FHIT: variants seen among roughly 807,000 people sequenced by gnomAD.
FHIT encodes the protein fragile histidine triad diadenosine triphosphatase.
A neutral mutation model predicts 17.9 loss-of-function variants in FHIT; 19 were observed. The observed-to-expected ratio is 1.06, with a 90% CI of 0.74 to 1.56. The LOEUF is 1.56. Ranked by LOEUF, FHIT falls within the 40% of genes most tolerant of loss-of-function variation. FHIT has a pLI of 0.00. For synonymous variants in FHIT, 81 were observed against 69.7 expected (o/e 1.16, Z -0.81); for missense variants, 248 against 189.2 (o/e 1.31, Z -1.82).
intron 5 of FHIT, among the ~76,000 whole-genome samples, chr3:60,517,550 A>G (rs2035206836): frequency 6.6e-6 from 1 of 152,216 alleles, no homozygotes; most frequent in South Asian, 2.1e-4. Flanking sequence ...GGTGGTCTTC[A>G]GTCCAATGGC....
intron 9 of FHIT, 123 bp from the exon 10 acceptor site, chr3:59,749,702 T>C (rs1379074352): frequency 4.3e-6 from 1 of 230,218 alleles, no homozygotes; most frequent in African/African-American, 2.2e-5. Flanking sequence ...TACGAAGAAG[T>C]GGGCCAAAGT....
At chr3:60,255,519 C>G (rs188716898) in intron 5 of FHIT, among the ~76,000 whole-genome samples, 1 of 152,236 alleles carries the variant, frequency 6.6e-6, no homozygotes, top group East Asian at 1.9e-4. Flanking sequence ...ACAAACCCAA[C>G]TTCTCACCAA....
At chr3:60,950,476 CT>C (rs1321320188) in intron 3 of FHIT, among the ~76,000 whole-genome samples, 3 of 139,760 alleles carry the variant, frequency 2.1e-5, no homozygotes, top group Admixed American at 1.4e-4. Context: ...CTAGGTAGGG[CT>C]TTTTTTTCTT....
At chr3:59,750,069 G>A (rs924678360) in intron 9 of FHIT, 9 of 225,204 alleles carry the variant, frequency 4.0e-5, no homozygotes, top group South Asian at 1.8e-4. Context: ...TAACAAGTTA[G>A]GGTAAATATC....
rs2039926238 is a variant in FHIT, at chr3:61,224,729, GCCATGATAC to G, written c.-212-24073_-212-24065del. ...CCAGCTCATGTTACTTTTAGATATG[GCCATGATAC>G]CAGAACATTAAGCACTGAAAGGATG... is the stretch of plus-strand genomic sequence containing the variant. On this transcript the variant is annotated intron_variant, in intron 1 of 9. Coordinates refer to ENST00000492590, the MANE Select transcript of FHIT (RefSeq NM_002012.4). 2.0e-5 allele frequency among the ~76,000 whole-genome samples: 3 copies of G among 152,224 alleles called. No individual in the cohort carries two copies. The East Asian group carries it at 5.8e-4, about 29-fold the overall frequency.
intron 5 of FHIT, among the ~76,000 whole-genome samples, chr3:60,291,429 C>T (rs1374581055): frequency 6.6e-6 from 1 of 151,816 alleles, no homozygotes; most frequent in African/African-American, 2.4e-5. Context: ...CCATGTTGCC[C>T]GTTTCTTTAC....
chr3:60,612,781 C>T (rs1331345984), intron 4 of FHIT, among the ~76,000 whole-genome samples: 1 of 152,182 alleles, frequency 6.6e-6, no homozygotes, highest in Non-Finnish European at 1.5e-5. Flanking sequence ...GCATGCCACA[C>T]AGACCACCAC....
At chr3:60,548,306 A>G (rs1273966948) in intron 4 of FHIT, among the ~76,000 whole-genome samples, 1 of 152,268 alleles carries the variant, frequency 6.6e-6, no homozygotes, top group East Asian at 1.9e-4. Flanking sequence ...ACATAGCAGT[A>G]CTCTGTTATC....
At chr3:60,534,346 T>C (rs1000880015) in intron 5 of FHIT, among the ~76,000 whole-genome samples, 1 of 142,280 alleles carries the variant, frequency 7.0e-6, no homozygotes, top group East Asian at 2.1e-4. Flanking sequence ...GGCAGGAGAA[T>C]GGCGTGAACC....
intron 1 of FHIT, among the ~76,000 whole-genome samples, chr3:61,229,855 T>C (rs1182085620): frequency 2.6e-5 from 4 of 152,182 alleles, no homozygotes; most frequent in Middle Eastern, 3.2e-3. Context: ...TAAATCATTT[T>C]CCAGAAATAC....
chr3:59,887,162 C>T (rs608341), intron 8 of FHIT, among the ~76,000 whole-genome samples: 150,494 of 152,334 alleles, frequency 0.99, 74,364 homozygotes, highest in East Asian at 1. Context: ...TGAACTTCAG[C>T]CTAATTCACT....
chr3:59,750,530 G>C, intron 9 of FHIT: 1 of 225,452 alleles, frequency 4.4e-6, no homozygotes, highest in Non-Finnish European at 8.8e-6. Flanking sequence ...ATGGTGAACA[G>C]TGGAAAAGGT....
intron 2 of FHIT, among the ~76,000 whole-genome samples, chr3:61,199,422 T>C (rs2038951357): frequency 6.6e-6 from 1 of 152,218 alleles, no homozygotes; most frequent in Non-Finnish European, 1.5e-5. Context: ...ATAAGAATTA[T>C]CTACTGCTTA....
chr3:60,521,570 G>A (rs2035370611), intron 5 of FHIT, among the ~76,000 whole-genome samples: 1 of 152,116 alleles, frequency 6.6e-6, no homozygotes, highest in Admixed American at 6.6e-5. Context: ...ATTATACCAT[G>A]CTTCCAATAT....
At chr3:60,861,628 T>C (rs1247147017) in intron 3 of FHIT, among the ~76,000 whole-genome samples, 1 of 152,110 alleles carries the variant, frequency 6.6e-6, no homozygotes, top group South Asian at 2.1e-4. Context: ...TAGTCTCTCA[T>C]GTTCCCCTTG....
chr3:60,313,273 T>C (rs1282488653), intron 5 of FHIT, among the ~76,000 whole-genome samples: 7 of 152,080 alleles, frequency 4.6e-5, no homozygotes, highest in Non-Finnish European at 2.9e-5. Context: ...TATTCAGGAG[T>C]CAGGGATCAC....
intron 4 of FHIT, among the ~76,000 whole-genome samples, chr3:60,723,670 CT>C (rs1559671424): frequency 1.3e-5 from 2 of 152,196 alleles, no homozygotes; most frequent in African/African-American, 4.8e-5. Flanking sequence ...CACCATGCAC[CT>C]TTTCCCTATG....
chr3:60,523,333 T>G (rs1305415785), intron 5 of FHIT, among the ~76,000 whole-genome samples: 1 of 152,226 alleles, frequency 6.6e-6, no homozygotes, highest in African/African-American at 2.4e-5. Flanking sequence ...TGCTTTTTTT[T>G]AAAGCACTTA....
intron 3 of FHIT, chr3:60,912,690 G>C (rs558739689): frequency 4.0e-6 from 2 of 495,704 alleles, no homozygotes; most frequent in African/African-American, 3.9e-5. Flanking sequence ...AGAGACACCA[G>C]AGGAATCTAT....
Sources: allele counts gnomAD v4.1 joint callset (sites outside exome capture counted in the v4.1 genomes callset), GRCh38; gene constraint gnomAD v4.1.1; transcripts MANE v1.5; gene names NCBI Gene and HGNC (gene_info 2026-07-23, HGNC 2026-07-21).